The following ADGRL3 variants were observed in gnomAD, a reference collection of about 807,000 sequenced individuals.
ADGRL3 encodes calcium-independent alpha-latrotoxin receptor 3.
A neutral mutation model predicts 153.5 loss-of-function variants in ADGRL3; 62 were observed. The observed-to-expected ratio is 0.40, with a 90% CI of 0.33 to 0.50. The LOEUF is 0.50. ADGRL3 is among the 20% of genes least tolerant of loss of function. ADGRL3 has a pLI of 0.47. For missense variants in ADGRL3, 1,641 were observed against 1,859.4 expected (o/e 0.88, Z 2.16); for synonymous variants, 710 against 672.5 (o/e 1.06, Z -0.86).
At chr4:61,386,015 C>T (rs1454270174) in intron 2 of ADGRL3, among the ~76,000 whole-genome samples, 1 of 152,114 alleles carries the variant, frequency 6.6e-6, no homozygotes, top group Non-Finnish European at 1.5e-5. Context: ...CTCCTGAATT[C>T]ATACCAACTG....
At chr4:61,219,724 C>G (rs1028236491) in intron 1 of ADGRL3, among the ~76,000 whole-genome samples, 1 of 152,170 alleles carries the variant, frequency 6.6e-6, no homozygotes, top group Non-Finnish European at 1.5e-5. Context: ...TCTAACTCAT[C>G]ATTGCTCTTT....
chr4:61,565,344 G>A (rs1394170379), intron 4 of ADGRL3, among the ~76,000 whole-genome samples: 1 of 151,876 alleles, frequency 6.6e-6, no homozygotes, highest in African/African-American at 2.4e-5. Context: ...ATGACCCTAA[G>A]TTTATATTAA....
chr4:61,497,123 T>G lies in ADGRL3; in HGVS notation c.-171T>G. On this transcript the variant is annotated splice_region_variant and 5_prime_UTR_variant, in exon 3 of 27. Coordinates refer to ENST00000683033, the MANE Select transcript of ADGRL3 (RefSeq NM_001387552.1). The stretch of plus-strand genomic sequence containing the variant: ...CCTTTTTTTTTTCTTTTTTGCAGGT[T>G]TCAGATTTGGGATATTGGTGTTTCT... The G allele has an allele frequency of 1.8e-6, 1 of 560,494 alleles. No individual in the cohort carries two copies. Among genetic ancestry groups the G allele is most frequent in the East Asian group, 3.3e-5 (1 of 30,302 alleles). 34.7% of individuals were successfully genotyped at this position (560,494 alleles called of 1,614,324 possible). A position where few individuals can be genotyped will look rare whatever the true frequency, so the allele number is the denominator to read the frequency against.
At chr4:61,215,720 T>A (rs1742430432) in intron 1 of ADGRL3, among the ~76,000 whole-genome samples, 1 of 151,612 alleles carries the variant, frequency 6.6e-6, no homozygotes, top group Non-Finnish European at 1.5e-5. Context: ...CCCGGTTTAT[T>A]TTTTTGTATT....
intron 21 of ADGRL3, among the ~76,000 whole-genome samples, chr4:62,016,384 T>C (rs893617499): frequency 1.3e-5 from 2 of 152,288 alleles, no homozygotes; most frequent in East Asian, 1.9e-4. Flanking sequence ...GTCTCAGTTT[T>C]ACAATTCGTG....
intron 5 of ADGRL3, among the ~76,000 whole-genome samples, chr4:61,673,146 G>A (rs10006131): frequency 0.97 from 148,085 of 151,924 alleles, 72,313 homozygotes; most frequent in Middle Eastern, 1. Flanking sequence ...ACTTCTAGAA[G>A]CAGAAAGTAG....
chr4:62,025,581 C>T (rs551353210), intron 21 of ADGRL3, among the ~76,000 whole-genome samples: 1 of 152,148 alleles, frequency 6.6e-6, no homozygotes, highest in South Asian at 2.1e-4. Context: ...TCTTCTTAGT[C>T]CTCAGTTTGG....
intron 5 of ADGRL3, among the ~76,000 whole-genome samples, chr4:61,593,133 A>C (rs2098976005): frequency 6.6e-6 from 1 of 151,846 alleles, no homozygotes; most frequent in African/African-American, 2.4e-5. Flanking sequence ...ACTAATAAAA[A>C]CTCTACACTT....
intron 1 of ADGRL3, among the ~76,000 whole-genome samples, chr4:61,296,305 A>G (rs949164036): frequency 6.9e-6 from 1 of 145,984 alleles, no homozygotes; most frequent in African/African-American, 2.4e-5. Context: ...AGGAAATGAA[A>G]CAGAAGGCTG....
At chr4:61,381,133 C>T (rs527268469) in intron 1 of ADGRL3, among the ~76,000 whole-genome samples, 20 of 151,770 alleles carry the variant, frequency 1.3e-4, no homozygotes, top group East Asian at 9.7e-4. Context: ...TGTTGAATAG[C>T]CAAAGTGTAA....
chr4:61,735,085 A>G (rs1236416940), intron 8 of ADGRL3, among the ~76,000 whole-genome samples: 3 of 152,192 alleles, frequency 2.0e-5, no homozygotes, highest in African/African-American at 7.2e-5. Context: ...TAAGTTTTTT[A>G]TGGCCAATGG....
At chr4:61,461,553 T>C (rs2097819390) in intron 2 of ADGRL3, among the ~76,000 whole-genome samples, 1 of 152,138 alleles carries the variant, frequency 6.6e-6, no homozygotes, top group South Asian at 2.1e-4. Context: ...ACAAATATTC[T>C]TATACGCCAA....
intron 1 of ADGRL3, among the ~76,000 whole-genome samples, chr4:61,264,840 G>A (rs1341491254): frequency 1.3e-5 from 2 of 151,854 alleles, no homozygotes; most frequent in East Asian, 3.9e-4. Flanking sequence ...TTATGCTTGG[G>A]AAAAAGTGTT....
chr4:61,270,383 G>T (rs1048864433), intron 1 of ADGRL3, among the ~76,000 whole-genome samples: 1 of 151,612 alleles, frequency 6.6e-6, no homozygotes, highest in Non-Finnish European at 1.5e-5. Flanking sequence ...GAATTTCAGA[G>T]AATTTTACTT....
chr4:62,023,317 A>G (rs1353231183), intron 21 of ADGRL3, among the ~76,000 whole-genome samples: 1 of 152,196 alleles, frequency 6.6e-6, no homozygotes, highest in African/African-American at 2.4e-5. Flanking sequence ...TGCTTCTTAC[A>G]GTTGAGCAAA....
chr4:61,637,176 A>T (rs1007755998), intron 5 of ADGRL3, among the ~76,000 whole-genome samples: 1 of 152,154 alleles, frequency 6.6e-6, no homozygotes, highest in Non-Finnish European at 1.5e-5. Flanking sequence ...GTCACCAAAG[A>T]TGTAATTAGT....
intron 9 of ADGRL3, among the ~76,000 whole-genome samples, chr4:61,834,882 G>A (rs1285894880): frequency 2.0e-5 from 3 of 152,100 alleles, no homozygotes; most frequent in Admixed American, 6.6e-5. Flanking sequence ...GTCAATCAGC[G>A]CATTTTGTAA....
chr4:61,973,477 A>G (rs1432138732), intron 17 of ADGRL3, among the ~76,000 whole-genome samples: 1 of 152,148 alleles, frequency 6.6e-6, no homozygotes, highest in Non-Finnish European at 1.5e-5. Context: ...ATTTTACAAA[A>G]TATTTGGCCT....
At chr4:61,440,127 C>T (rs919751731) in intron 2 of ADGRL3, among the ~76,000 whole-genome samples, 2 of 152,110 alleles carry the variant, frequency 1.3e-5, no homozygotes. Flanking sequence ...TGGCTCGCTG[C>T]AACCTCCACC....
Sources: gnomAD v4.1 joint callset for allele counts (sites outside exome capture counted in the v4.1 genomes callset) on GRCh38, gnomAD v4.1.1 for gene constraint, MANE v1.5 for transcripts, NCBI Gene and HGNC (gene_info 2026-07-23, HGNC 2026-07-21) for gene names.